HMGCLL1: variants seen among roughly 807,000 people sequenced by gnomAD.
The protein encoded by HMGCLL1 is 3-hydroxymethyl-3-methylglutaryl-CoA lyase, cytoplasmic.
In HMGCLL1, 36 loss-of-function variants were observed where a neutral mutation model predicts 39.1. That is an observed-to-expected ratio of 0.92 (90% CI 0.71 to 1.22). The LOEUF (loss-of-function observed/expected upper bound fraction) is 1.22, where lower values mean the gene tolerates loss of function less well. Ranked by LOEUF, HMGCLL1 falls within the 50% of genes most tolerant of loss-of-function variation. The probability of loss-of-function intolerance (pLI) is 0.00; values close to 1 mark genes in which losing one functional copy is unlikely to be tolerated. For synonymous variants in HMGCLL1, 149 were observed against 144.0 expected (o/e 1.03, Z -0.25); for missense variants, 451 against 416.5 (o/e 1.08, Z -0.72).
At chr6:55,520,599 T>C (rs930657042) in intron 3 of HMGCLL1, among the ~76,000 whole-genome samples, 1 of 152,080 alleles carries the variant, frequency 6.6e-6, no homozygotes, top group Admixed American at 6.6e-5. Flanking sequence ...TGCTTTAATT[T>C]TTTTTTCTCT....
At chr6:55,520,560 G>A (rs1767986363) in intron 3 of HMGCLL1, among the ~76,000 whole-genome samples, 1 of 151,854 alleles carries the variant, frequency 6.6e-6, no homozygotes, top group Admixed American at 6.6e-5. Context: ...ATAAAAAAGG[G>A]CAGGTTCCAA....
intron 3 of HMGCLL1, among the ~76,000 whole-genome samples, chr6:55,540,841 A>G (rs1266876191): frequency 6.6e-6 from 1 of 152,136 alleles, no homozygotes; most frequent in Non-Finnish European, 1.5e-5. Flanking sequence ...GACTGTTGGT[A>G]TTGGAAAGAC....
chr6:55,597,209 C>A, the HMGCLL1 span, among the ~76,000 whole-genome samples: 2 of 151,988 alleles, frequency 1.3e-5, no homozygotes, highest in African/African-American at 4.8e-5. Context: ...CCATTACAAA[C>A]ATCATGTCAA....
At chr6:55,607,606 C>T in the HMGCLL1 span, among the ~76,000 whole-genome samples, 1 of 152,170 alleles carries the variant, frequency 6.6e-6, no homozygotes, top group African/African-American at 2.4e-5. Context: ...ACCAGCATCT[C>T]AGCCCAAAAG....
At chr6:55,638,919 A>G in the HMGCLL1 span, among the ~76,000 whole-genome samples, 1 of 152,166 alleles carries the variant, frequency 6.6e-6, no homozygotes. Flanking sequence ...AAATATTGCT[A>G]AGAATAACTT....
the HMGCLL1 span, among the ~76,000 whole-genome samples, chr6:55,635,313 G>A: frequency 2.6e-5 from 4 of 151,980 alleles, no homozygotes; most frequent in African/African-American, 9.7e-5. Flanking sequence ...ATCACTAAGA[G>A]AAACATCCAT....
intron 7 of HMGCLL1, among the ~76,000 whole-genome samples, chr6:55,487,226 T>C (rs1474189757): frequency 6.6e-6 from 1 of 152,078 alleles, no homozygotes; most frequent in African/African-American, 2.4e-5. Flanking sequence ...TTTGTGTGCC[T>C]TTTATTTATT....
intron 5 of HMGCLL1, among the ~76,000 whole-genome samples, chr6:55,500,783 G>A (rs1295267630): frequency 6.6e-6 from 1 of 151,954 alleles, no homozygotes; most frequent in Non-Finnish European, 1.5e-5. Context: ...ACTGGAGAAG[G>A]TGGCTAAGGA....
the HMGCLL1 span, among the ~76,000 whole-genome samples, chr6:55,595,616 A>G: frequency 6.6e-6 from 1 of 152,196 alleles, no homozygotes; most frequent in Non-Finnish European, 1.5e-5. Flanking sequence ...GAGAGATAAA[A>G]TTCTTTGTGT....
At chr6:55,614,496 A>G in the HMGCLL1 span, among the ~76,000 whole-genome samples, 1 of 152,130 alleles carries the variant, frequency 6.6e-6, no homozygotes, top group Non-Finnish European at 1.5e-5. Flanking sequence ...AGTCTATGGT[A>G]TTTAGTTATA....
At chr6:55,581,712 A>T (rs1158580680), upstream of HMGCLL1, among the ~76,000 whole-genome samples, 1 of 152,046 alleles carries the variant, frequency 6.6e-6, no homozygotes, top group Admixed American at 6.6e-5. Context: ...CATTAGAAAA[A>T]TAAAGAAACC....
At chr6:55,670,361 G>A in the HMGCLL1 span, among the ~76,000 whole-genome samples, 1 of 151,466 alleles carries the variant, frequency 6.6e-6, no homozygotes, top group East Asian at 1.9e-4. Flanking sequence ...TTAAAAAAAA[G>A]TACTTCAGAC....
At chr6:55,511,789 T>C (rs1227952781) in intron 5 of HMGCLL1, among the ~76,000 whole-genome samples, 1 of 152,090 alleles carries the variant, frequency 6.6e-6, no homozygotes, top group Non-Finnish European at 1.5e-5. Context: ...AGGAATAAGA[T>C]ATTTTCAACT....
At chr6:55,538,855 C>T (rs10755780) in intron 3 of HMGCLL1, among the ~76,000 whole-genome samples, 94,188 of 151,356 alleles carry the variant, frequency 0.62, 29,968 homozygotes, top group Admixed American at 0.7. Context: ...CACACACACA[C>T]TATAAACAGC....
chr6:55,557,841 C>T (rs1328844514), intron 1 of HMGCLL1, among the ~76,000 whole-genome samples: 2 of 152,136 alleles, frequency 1.3e-5, no homozygotes, highest in Non-Finnish European at 2.9e-5. Flanking sequence ...CAGCTGGTGC[C>T]CGTACTGTAC....
intron 8 of HMGCLL1, among the ~76,000 whole-genome samples, chr6:55,438,481 TA>T (rs1763459427): frequency 6.6e-6 from 1 of 152,104 alleles, no homozygotes; most frequent in Admixed American, 6.6e-5. Flanking sequence ...GAATGGGACC[TA>T]ACAGTTTGAC....
At chr6:55,443,389 C>T (rs140758994) in intron 7 of HMGCLL1, among the ~76,000 whole-genome samples, 1 of 152,154 alleles carries the variant, frequency 6.6e-6, no homozygotes, top group African/African-American at 2.4e-5. Context: ...CTGGAATCCA[C>T]GTATCATGTT....
chr6:55,437,668 A>C (rs933590396), intron 8 of HMGCLL1, among the ~76,000 whole-genome samples: 5 of 152,008 alleles, frequency 3.3e-5, no homozygotes, highest in African/African-American at 1.2e-4. Context: ...TCCTTTCAGG[A>C]AATTAGAATC....
intron 1 of HMGCLL1, among the ~76,000 whole-genome samples, chr6:55,573,120 A>G (rs2127477550): frequency 6.6e-6 from 1 of 152,342 alleles, no homozygotes; most frequent in East Asian, 1.9e-4. Flanking sequence ...ATGACTGCAG[A>G]ATACAAAAAG....
Sources: gnomAD v4.1 joint callset for allele counts (sites outside exome capture counted in the v4.1 genomes callset) on GRCh38, gnomAD v4.1.1 for gene constraint, MANE v1.5 for transcripts, NCBI Gene and HGNC (gene_info 2026-07-23, HGNC 2026-07-21) for gene names.